FYTTD1: variants seen among roughly 807,000 people sequenced by gnomAD.
The protein encoded by FYTTD1 is forty-two-three domain containing 1.
FYTTD1 carries 22 observed loss-of-function variants against 40.9 expected under a neutral mutation model. The ratio of observed to expected loss-of-function variants is 0.54; its 90% confidence interval spans 0.38 to 0.77. FYTTD1 has a LOEUF of 0.77. FYTTD1 is among the 30% of genes least tolerant of loss of function. The probability of loss-of-function intolerance (pLI) is 0.00; values close to 1 mark genes in which losing one functional copy is unlikely to be tolerated. For missense variants in FYTTD1, 351 were observed against 392.2 expected, an observed-to-expected ratio of 0.90 and a Z score of 0.89; for synonymous variants, 140 against 137.9, an observed-to-expected ratio of 1.01 and a Z score of -0.10.
chr3:197,760,631 G>A (rs1313558176), intron 2 of FYTTD1, among the ~76,000 whole-genome samples: 2 of 152,136 alleles, frequency 1.3e-5, no homozygotes, highest in East Asian at 3.8e-4. Context: ...TTCCTCAGTG[G>A]TAGAATGTAT....
rs550223346 is a variant in FYTTD1 at position 197,764,746 on chromosome 3, A to G, written c.236-3693A>G. Among the ~76,000 whole-genome samples, 455 of 149,338 alleles carry G rather than the reference A, an allele frequency of 3.0e-3. 6 individuals are homozygous for G. The highest frequency in any genetic ancestry group is 0.011 in the African/African-American group (433 of 39,906). ...AAAAGCAGAGGAGGCAACACCTTGGATAAGAGAAAAAAAAAACAGCAGAAA... is the reference window on the plus strand; with the variant it reads ...AAAAGCAGAGGAGGCAACACCTTGGGTAAGAGAAAAAAAAAACAGCAGAAA... On this transcript the variant is annotated intron_variant, in intron 2 of 8. Coordinates refer to ENST00000241502, the MANE Select transcript of FYTTD1 (RefSeq NM_032288.7).
At chr3:197,778,277 A>G in intron 7 of FYTTD1, 61 bp from the exon 8 acceptor site, 6 of 1,342,554 alleles carry the variant, frequency 4.5e-6, no homozygotes, top group Non-Finnish European at 2.1e-6. Flanking sequence ...TTAAGTACCA[A>G]GTGAATTTAT....
At chr3:197,778,957 T>C (rs1269590563) in intron 8 of FYTTD1, among the ~76,000 whole-genome samples, 1 of 152,232 alleles carries the variant, frequency 6.6e-6, no homozygotes, top group Non-Finnish European at 1.5e-5. Flanking sequence ...TTTGAGGAAC[T>C]GCTGGACTGC....
At chr3:197,774,548 T>C (rs1263154463) in intron 6 of FYTTD1, among the ~76,000 whole-genome samples, 1 of 150,526 alleles carries the variant, frequency 6.6e-6, no homozygotes, top group African/African-American at 2.5e-5. Context: ...CTGAGCAGCA[T>C]AGCTCGATGA....
At chr3:197,774,914 A>T (rs563487510) in intron 6 of FYTTD1, among the ~76,000 whole-genome samples, 1 of 152,266 alleles carries the variant, frequency 6.6e-6, no homozygotes, top group African/African-American at 2.4e-5. Context: ...ATTTTTAAAC[A>T]TTGAGGCTAA....
At chr3:197,777,078 T>C (rs1729898428) in intron 7 of FYTTD1, 77 bp downstream of exon 7, 1 of 867,462 alleles carries the variant, frequency 1.2e-6, no homozygotes, top group South Asian at 1.5e-5. Flanking sequence ...GGACTTCTGC[T>C]CAGAGAATGA....
chr3:197,756,968 G>T (rs1729231723), intron 2 of FYTTD1, among the ~76,000 whole-genome samples: 1 of 152,160 alleles, frequency 6.6e-6, no homozygotes, highest in African/African-American at 2.4e-5. Flanking sequence ...ACTGTGCCTG[G>T]CCTCTTAATT....
At position 197,773,540 on chromosome 3, in the gene FYTTD1, T is replaced by C. The variant is rs199662509; in HGVS notation, c.594+41T>C. On this transcript the variant is annotated intron_variant, in intron 5 of 8. Coordinates refer to ENST00000241502, the MANE Select transcript of FYTTD1 (RefSeq NM_032288.7). ...GGCAGTGTTTTTGTTTGTTTGTTTG[T>C]TTTTTCCCAAAGAGGATCCTGAGCA... 7.1e-6 allele frequency: 9 copies of C among 1,275,760 alleles called. No individual in the cohort carries two copies. The East Asian group carries it at 2.2e-4, about 32-fold the overall frequency. The allele number at this position is 1,275,760 out of a possible 1,614,324, so 79.0% of individuals were successfully genotyped here. A position where few individuals can be genotyped will look rare whatever the true frequency, so the allele number is the denominator to read the frequency against.
intron 4 of FYTTD1, among the ~76,000 whole-genome samples, chr3:197,772,728 C>T (rs1023426295): frequency 5.9e-5 from 9 of 152,172 alleles, no homozygotes; most frequent in African/African-American, 1.9e-4. Context: ...CATGCTTCAG[C>T]CTCCTGAGTA....
Position 197,782,092 on chromosome 3 carries a change from A to G in FYTTD1, c.*183A>G. 1 of 422,042 alleles carries G rather than the reference A, an allele frequency of 2.4e-6. No homozygotes were observed. Among genetic ancestry groups the G allele is most frequent in the Non-Finnish European group, 4.3e-6 (1 of 231,900 alleles). The allele number at this position is 422,042 out of a possible 1,614,324, so 26.1% of individuals were successfully genotyped here. On this transcript the variant is annotated 3_prime_UTR_variant, in exon 9 of 9. Coordinates refer to ENST00000241502, the MANE Select transcript of FYTTD1 (RefSeq NM_032288.7). ...GTATAAAATAATGCCCTGAAAGAAT[A>G]ATAGGGATTATACCTGTCTGTTCTT...
intron 1 of FYTTD1, chr3:197,755,971 T>C (rs1486519204): frequency 3.3e-6 from 2 of 600,114 alleles, no homozygotes; most frequent in East Asian, 2.8e-5. Flanking sequence ...GAGGCTTCTG[T>C]GATTATGGGA....
At chr3:197,776,265 G>T (rs1466924026) in intron 6 of FYTTD1, among the ~76,000 whole-genome samples, 1 of 150,748 alleles carries the variant, frequency 6.6e-6, no homozygotes, top group East Asian at 1.9e-4. Flanking sequence ...GAGCGCAGTG[G>T]CACAATCTCA....
At chr3:197,762,448 G>A (rs1448277884) in intron 2 of FYTTD1, among the ~76,000 whole-genome samples, 3 of 151,910 alleles carry the variant, frequency 2.0e-5, no homozygotes, top group Non-Finnish European at 4.4e-5. Context: ...AATTAGCCGG[G>A]CATGGTGGCG....
intron 2 of FYTTD1, among the ~76,000 whole-genome samples, chr3:197,766,272 G>T (rs1729542556): frequency 6.6e-6 from 1 of 151,810 alleles, no homozygotes; most frequent in Non-Finnish European, 1.5e-5. Flanking sequence ...TATATCTGTG[G>T]TTCTATTGTG....
intron 1 of FYTTD1, chr3:197,755,735 A>C (rs1729194961): frequency 1.4e-6 from 2 of 1,447,672 alleles, no homozygotes; most frequent in Admixed American, 4.4e-5. Flanking sequence ...TGATCCGCCC[A>C]CCTCAGCCTC....
chr3:197,750,588 C>G (rs1728989356), intron 1 of FYTTD1: 1 of 985,234 alleles, frequency 1.0e-6, no homozygotes, highest in Non-Finnish European at 1.2e-6. Context: ...GCCGGGCGTT[C>G]CAGGCCGGCG....
chr3:197,776,695 T>G (rs1410025415), intron 6 of FYTTD1, among the ~76,000 whole-genome samples: 6 of 152,074 alleles, frequency 3.9e-5, no homozygotes, highest in Non-Finnish European at 8.8e-5. Context: ...ACTATTTGAT[T>G]TTTTTAAATT....
chr3:197,769,936 T>G (rs1036401711), intron 3 of FYTTD1, among the ~76,000 whole-genome samples, 196 bp from the exon 4 acceptor site: 2 of 152,172 alleles, frequency 1.3e-5, no homozygotes, highest in African/African-American at 2.4e-5. Context: ...ACCTCACATA[T>G]TTTAAATATA....
intron 2 of FYTTD1, 99 bp from the exon 3 acceptor site, chr3:197,768,340 T>A: frequency 1.2e-6 from 1 of 803,710 alleles, no homozygotes; most frequent in East Asian, 2.7e-5. Flanking sequence ...ACATAATAAA[T>A]GTTCATAAGT....
Sources: gnomAD v4.1 joint callset for allele counts (sites outside exome capture counted in the v4.1 genomes callset) on GRCh38, gnomAD v4.1.1 for gene constraint, MANE v1.5 for transcripts, NCBI Gene and HGNC (gene_info 2026-07-23, HGNC 2026-07-21) for gene names.